RASAL2: variants seen among roughly 807,000 people sequenced by gnomAD.
RASAL2 encodes the protein ras GTPase-activating protein nGAP.
A neutral mutation model predicts 128.9 loss-of-function variants in RASAL2; 58 were observed. That is an observed-to-expected ratio of 0.45 (90% CI 0.36 to 0.56). The LOEUF (loss-of-function observed/expected upper bound fraction) is 0.56, where lower values mean the gene tolerates loss of function less well. Ranked by LOEUF, RASAL2 falls within the 20% of genes least tolerant of loss-of-function variation. The pLI is 0.00. For synonymous variants in RASAL2, 561 were observed against 580.8 expected (o/e 0.97, Z 0.49); for missense variants, 1,360 against 1,601.6 (o/e 0.85, Z 2.57).
chr1:178,137,928 A>G (rs1329553142), intron 1 of RASAL2, among the ~76,000 whole-genome samples: 5 of 152,128 alleles, frequency 3.3e-5, no homozygotes, highest in African/African-American at 7.2e-5. Context: ...GTCATATTTT[A>G]TAGAGATTGT....
At chr1:178,325,369 T>C (rs1668988019) in intron 3 of RASAL2, among the ~76,000 whole-genome samples, 1 of 152,192 alleles carries the variant, frequency 6.6e-6, no homozygotes, top group South Asian at 2.1e-4. Context: ...CTTTAGGTTT[T>C]TTCCCTCCCA....
chr1:178,306,866 G>A (rs868113789), intron 3 of RASAL2, among the ~76,000 whole-genome samples: 8 of 122,710 alleles, frequency 6.5e-5, no homozygotes, highest in African/African-American at 2.1e-4. Flanking sequence ...GACTGTTGTG[G>A]GGTGGGGGGA....
At chr1:178,174,092 T>C (rs1412031204) in intron 1 of RASAL2, among the ~76,000 whole-genome samples, 7 of 152,026 alleles carry the variant, frequency 4.6e-5, no homozygotes, top group Non-Finnish European at 1.0e-4. Flanking sequence ...TTGTTACTTA[T>C]TCTAAAAAGT....
chr1:178,403,878 T>A (rs1673809358), intron 4 of RASAL2, among the ~76,000 whole-genome samples: 1 of 151,916 alleles, frequency 6.6e-6, no homozygotes, highest in Non-Finnish European at 1.5e-5. Flanking sequence ...AATAAAAAAA[T>A]TAAAGTTAAA....
chr1:178,298,137 G>A (rs1054916663), intron 2 of RASAL2, among the ~76,000 whole-genome samples: 9 of 151,800 alleles, frequency 5.9e-5, no homozygotes, highest in East Asian at 3.9e-4. Context: ...GATATGTTTC[G>A]CCTTTTTTAA....
At chr1:178,291,636 T>C (rs114489089) in intron 2 of RASAL2, among the ~76,000 whole-genome samples, 3,118 of 152,336 alleles carry the variant, frequency 0.02, 44 homozygotes, top group Non-Finnish European at 0.032. Context: ...CTTGAATAAG[T>C]TTGATTTTCT....
rs970734669 is a variant in RASAL2, at chr1:178,315,752, C to T, written c.457+15634C>T. Among the ~76,000 whole-genome samples the T allele has an allele frequency of 6.3e-4, 91 of 144,192 alleles. 1 individual carries two copies. Among genetic ancestry groups the T allele is most frequent in the Admixed American group, 1.2e-3 (18 of 14,758 alleles). 94.6% of individuals were successfully genotyped at this position (144,192 alleles called of 152,430 possible). ...CCATTTTGTAGGTTGCCTGTTCACT[C>T]TGATGGTAGTTTCTTTTGCTGTGCA... is the stretch of plus-strand genomic sequence containing the variant. On this transcript the variant is annotated intron_variant, in intron 3 of 17. Coordinates refer to ENST00000367649, the MANE Select transcript of RASAL2 (RefSeq NM_170692.4).
intron 5 of RASAL2, among the ~76,000 whole-genome samples, chr1:178,424,655 T>G (rs1248339091): frequency 6.6e-6 from 1 of 151,992 alleles, no homozygotes; most frequent in African/African-American, 2.4e-5. Flanking sequence ...AGAGATGGGA[T>G]TTTGTCATGT....
At chr1:178,248,263 T>A (rs188132663) in intron 1 of RASAL2, among the ~76,000 whole-genome samples, 2 of 152,368 alleles carry the variant, frequency 1.3e-5, no homozygotes, top group Non-Finnish European at 2.9e-5. Flanking sequence ...CTGTATTGAC[T>A]GCTTATATAT....
At chr1:178,272,670 GTAA>G (rs1666314893) in intron 1 of RASAL2, among the ~76,000 whole-genome samples, 2 of 152,300 alleles carry the variant, frequency 1.3e-5, no homozygotes, top group Non-Finnish European at 2.9e-5. Flanking sequence ...TGCTTAGCCT[GTAA>G]TCCTAGCACT....
At chr1:178,296,662 G>A (rs1667520400) in intron 2 of RASAL2, among the ~76,000 whole-genome samples, 1 of 148,220 alleles carries the variant, frequency 6.7e-6, no homozygotes, top group Non-Finnish European at 1.5e-5. Flanking sequence ...ACTGCACCTG[G>A]CCTTGATTTT....
chr1:178,358,371 G>GTAA (rs1306975680), intron 3 of RASAL2, among the ~76,000 whole-genome samples: 5 of 151,440 alleles, frequency 3.3e-5, no homozygotes, highest in Non-Finnish European at 7.4e-5. Flanking sequence ...AGTAAAGAAG[G>GTAA]TAAAAAGACC....
intron 1 of RASAL2, among the ~76,000 whole-genome samples, chr1:178,189,225 C>G (rs1167562872): frequency 6.6e-6 from 1 of 152,070 alleles, no homozygotes; most frequent in Non-Finnish European, 1.5e-5. Context: ...TCTTATATTC[C>G]TTGGTATGTA....
At chr1:178,126,863 A>G (rs1571511258) in intron 1 of RASAL2, among the ~76,000 whole-genome samples, 1 of 152,316 alleles carries the variant, frequency 6.6e-6, no homozygotes, top group African/African-American at 2.4e-5. Flanking sequence ...ATTACATAGC[A>G]TGCTGTCATG....
chr1:178,349,400 G>C (rs1005743860), intron 3 of RASAL2, among the ~76,000 whole-genome samples: 2 of 152,008 alleles, frequency 1.3e-5, no homozygotes, highest in Admixed American at 1.3e-4. Flanking sequence ...CTCCAGCCTG[G>C]CGACAGAGTG....
At chr1:178,098,218 T>C (rs1006527850) in intron 1 of RASAL2, among the ~76,000 whole-genome samples, 1 of 152,354 alleles carries the variant, frequency 6.6e-6, no homozygotes, top group Admixed American at 6.5e-5. Flanking sequence ...ACCTTGCTCA[T>C]AGTAAGTCAG....
At chr1:178,127,560 G>A (rs976570245) in intron 1 of RASAL2, among the ~76,000 whole-genome samples, 2 of 151,922 alleles carry the variant, frequency 1.3e-5, no homozygotes, top group Admixed American at 6.6e-5. Context: ...TGTCTTTTTT[G>A]AAACCCTGTA....
At chr1:178,249,368 G>A (rs376637775) in intron 1 of RASAL2, among the ~76,000 whole-genome samples, 17 of 151,856 alleles carry the variant, frequency 1.1e-4, no homozygotes, top group South Asian at 8.3e-4. Flanking sequence ...CGAAATTCTC[G>A]TGCTGTGTTT....
intron 1 of RASAL2, among the ~76,000 whole-genome samples, chr1:178,170,546 C>T (rs1041803353): frequency 2.6e-5 from 4 of 151,402 alleles, no homozygotes; most frequent in African/African-American, 9.7e-5. Context: ...ATATTTTCTC[C>T]TTTTTATAGC....
Sources: gnomAD v4.1 joint callset for allele counts (sites outside exome capture counted in the v4.1 genomes callset) on GRCh38, gnomAD v4.1.1 for gene constraint, MANE v1.5 for transcripts, NCBI Gene and HGNC (gene_info 2026-07-23, HGNC 2026-07-21) for gene names.